The following RGPD8 variants were observed in gnomAD, a reference collection of about 807,000 sequenced individuals.
RGPD8 encodes the protein RANBP2-like and GRIP domain-containing protein 8.
Under a neutral mutation model 89.1 loss-of-function variants are expected in RGPD8, and 15 were observed. The ratio of observed to expected loss-of-function variants is 0.17; its 90% CI spans 0.11 to 0.26. RGPD8 has a LOEUF of 0.26. Ranked by LOEUF, RGPD8 falls within the 10% of genes least tolerant of loss-of-function variation. The pLI is 1.00. For missense variants in RGPD8, 178 were observed against 1,179.6 expected (o/e 0.15, Z 12.44); for synonymous variants, 62 against 420.9 (o/e 0.15, Z 10.44).
intron 1 of RGPD8, among the ~76,000 whole-genome samples, chr2:112,431,797 C>T (rs1380887151): frequency 6.6e-6 from 1 of 152,126 alleles, no homozygotes; most frequent in Non-Finnish European, 1.5e-5. Flanking sequence ...CCACCACGTC[C>T]GGCTAACTTT....
chr2:112,370,734 C>T (rs1159466218), intron 22 of RGPD8, among the ~76,000 whole-genome samples: 22 of 128,812 alleles, frequency 1.7e-4, no homozygotes, highest in Non-Finnish European at 3.3e-4. Flanking sequence ...ACTGAATTTC[C>T]GGTTGAGCCA....
chr2:112,432,933 C>T (rs1298379927), intron 1 of RGPD8, among the ~76,000 whole-genome samples: 2 of 149,528 alleles, frequency 1.3e-5, no homozygotes, highest in Non-Finnish European at 3.0e-5. Context: ...GGAGCCATGA[C>T]CCCTGACCCA....
chr2:112,427,071 A>G (rs975500503), intron 1 of RGPD8, among the ~76,000 whole-genome samples: 1 of 152,146 alleles, frequency 6.6e-6, no homozygotes, highest in Non-Finnish European at 1.5e-5. Flanking sequence ...CTGGGATTAC[A>G]GGCATCAGCC....
chr2:112,415,109 C>T (rs961918603), intron 6 of RGPD8, among the ~76,000 whole-genome samples: 21 of 147,860 alleles, frequency 1.4e-4, no homozygotes, highest in Admixed American at 4.6e-4. Flanking sequence ...GTGGGCTGGG[C>T]GCGGTGGCTC....
chr2:112,373,558 T>C (rs1359629124), intron 22 of RGPD8, among the ~76,000 whole-genome samples: 1 of 152,158 alleles, frequency 6.6e-6, no homozygotes, highest in Non-Finnish European at 1.5e-5. Flanking sequence ...CAGTCAGGTA[T>C]TTACCAACAC....
At chr2:112,431,116 G>T (rs1055774421) in intron 1 of RGPD8, among the ~76,000 whole-genome samples, 1 of 152,086 alleles carries the variant, frequency 6.6e-6, no homozygotes, top group African/African-American at 2.4e-5. Flanking sequence ...ACAAAACAGC[G>T]GGTGTGGTGG....
chr2:112,400,260 A>G, intron 12 of RGPD8, 66 bp from the exon 13 acceptor site: 1 of 36,408 alleles, frequency 2.7e-5, no homozygotes, highest in South Asian at 1.5e-4. Context: ...AAGTTCATTT[A>G]CAAGTTGTAA....
Position 112,424,239 on chromosome 2 carries a change from C to T in RGPD8, c.140+1G>A. 6.3e-7 allele frequency: 1 copy of T among 1,588,106 alleles called. No individual in the cohort carries two copies. On this transcript the variant is annotated splice_donor_variant, in intron 2 of 22. Transcript: ENST00000302558. LOFTEE classifies it high-confidence loss of function. ...GAATACATGTTACGGTTTGTACTTA[C>T]TTTTTAGCAAGATCATATTCTTTAG... is the stretch of plus-strand genomic sequence containing the variant.
At chr2:112,415,282 G>A (rs561703624) in intron 6 of RGPD8, among the ~76,000 whole-genome samples, 50 of 152,398 alleles carry the variant, frequency 3.3e-4, no homozygotes, top group African/African-American at 1.2e-3. Flanking sequence ...CTACTCAGGA[G>A]GCTGAGGCAG....
intron 4 of RGPD8, among the ~76,000 whole-genome samples, chr2:112,419,768 A>G (rs2104824110): frequency 1.4e-5 from 2 of 143,570 alleles, no homozygotes; most frequent in Middle Eastern, 7.0e-3. Context: ...GCCACGCCCA[A>G]TATGGGAGTT....
Position 112,429,411 on chromosome 2 carries a change from G to A in RGPD8, c.72+3971C>T, listed in dbSNP as rs1487959031. Reference sequence around the variant, plus strand: ...AGCCTGGACGATAGAGCCAGACTCCGTCTCAAAAAAAAAAAAAAAAAAAAA... The same window carrying A: ...AGCCTGGACGATAGAGCCAGACTCCATCTCAAAAAAAAAAAAAAAAAAAAA... On this transcript the variant is annotated intron_variant, in intron 1 of 22. Coordinates refer to ENST00000302558, the MANE Select transcript of RGPD8 (RefSeq NM_001164463.1). 1.5e-4 allele frequency among the ~76,000 whole-genome samples: 13 copies of A among 84,728 alleles called. No individual in the cohort carries two copies. In the East Asian group the frequency reaches 2.0e-3, roughly 13 times the overall value. 55.6% of individuals were successfully genotyped at this position (84,728 alleles called of 152,430 possible).
At chr2:112,420,225 A>C (rs1342928559) in intron 4 of RGPD8, among the ~76,000 whole-genome samples, 1 of 86,200 alleles carries the variant, frequency 1.2e-5, no homozygotes, top group Non-Finnish European at 2.4e-5. Flanking sequence ...GGACCATGAA[A>C]TACTACTCAG....
chr2:112,390,537 C>A (rs1306098083), intron 19 of RGPD8, among the ~76,000 whole-genome samples: 1 of 143,870 alleles, frequency 7.0e-6, no homozygotes, highest in Non-Finnish European at 1.5e-5. Context: ...AAGAAACTTG[C>A]CTGTGGTCAA....
intron 20 of RGPD8, among the ~76,000 whole-genome samples, chr2:112,381,964 G>C (rs1193740931): frequency 6.6e-6 from 1 of 152,310 alleles, no homozygotes; most frequent in African/African-American, 2.4e-5. Flanking sequence ...TGAGGGTGTT[G>C]CCAAAGGGAT....
rs1243838212 is a variant in RGPD8, at chr2:112,422,465, A to G, written c.252+83T>C. On this transcript the variant is annotated intron_variant, in intron 3 of 22. Coordinates refer to ENST00000302558, the MANE Select transcript of RGPD8 (RefSeq NM_001164463.1). ...ATGCCTGTTTTATGATATTTATAAAATATATTTGACTTACTTATATAAATT... is the reference window on the plus strand; with the variant it reads ...ATGCCTGTTTTATGATATTTATAAAGTATATTTGACTTACTTATATAAATT... The G allele has an allele frequency of 3.9e-6, 6 of 1,556,242 alleles. No homozygotes were observed. In the East Asian group the frequency reaches 1.4e-4, roughly 36 times the overall value.
intron 9 of RGPD8, among the ~76,000 whole-genome samples, chr2:112,402,495 CAAGAA>C (rs552548180): frequency 0.039 from 5,674 of 146,742 alleles, 3 homozygotes; most frequent in African/African-American, 0.062. Context: ...GTCTCAAAAA[CAAGAA>C]AAGAAAAGAA....
chr2:112,415,661 C>T (rs1306564146), intron 6 of RGPD8, among the ~76,000 whole-genome samples: 13 of 150,072 alleles, frequency 8.7e-5, no homozygotes, highest in Admixed American at 4.0e-4. Context: ...TGCAGTGAGC[C>T]GAGATTGTGC....
chr2:112,427,888 G>T (rs1679842128), intron 1 of RGPD8, among the ~76,000 whole-genome samples: 7 of 151,942 alleles, frequency 4.6e-5, no homozygotes. Flanking sequence ...GAACATAAGG[G>T]TAAGGAAATC....
chr2:112,408,355 TAA>T (rs1194721538), intron 7 of RGPD8, among the ~76,000 whole-genome samples: 1 of 55,232 alleles, frequency 1.8e-5, no homozygotes, highest in Non-Finnish European at 3.6e-5. Flanking sequence ...CATGTATATA[TAA>T]TTCTTTCCAA....
Sources: allele counts gnomAD v4.1 joint callset (sites outside exome capture counted in the v4.1 genomes callset), GRCh38; gene constraint gnomAD v4.1.1; transcripts MANE v1.5; gene names NCBI Gene and HGNC (gene_info 2026-07-23, HGNC 2026-07-21).